Variants in TKFC observed in about 807,000 individuals in gnomAD.
TKFC encodes the protein triokinase/FMN cyclase.
Under a neutral mutation model 61.0 loss-of-function variants are expected in TKFC, and 46 were observed. The ratio of observed to expected loss-of-function variants is 0.75; its 90% CI spans 0.60 to 0.96. The LOEUF (loss-of-function observed/expected upper bound fraction) is 0.96. Ranked by LOEUF, TKFC falls within the 50% of genes least tolerant of loss-of-function variation. TKFC has a pLI of 0.00. For missense variants in TKFC, 715 were observed against 777.5 expected, an observed-to-expected ratio of 0.92 and a Z score of 0.96; for synonymous variants, 314 against 330.1, an observed-to-expected ratio of 0.95 and a Z score of 0.53.
At chr11:61,349,265 A>G, downstream of TKFC, 1 of 417,930 alleles carries the variant, frequency 2.4e-6, no homozygotes, top group South Asian at 2.4e-5. Flanking sequence ...GCAAGCAGCC[A>G]TGGTGGGGCC....
At chr11:61,343,183 G>A in intron 10 of TKFC, 159 bp from the exon 11 acceptor site, 1 of 683,616 alleles carries the variant, frequency 1.5e-6, no homozygotes, top group Non-Finnish European at 2.5e-6. Flanking sequence ...CAGGGAACGT[G>A]GTCATTTGTG....
At position 61,342,659 on chromosome 11, in the gene TKFC, G is replaced by A; in HGVS notation, c.775+1G>A. The A allele has an allele frequency of 6.2e-7, 1 of 1,614,034 alleles. No homozygotes were observed. Among genetic ancestry groups the A allele is most frequent in the South Asian group, 1.1e-5 (1 of 91,082 alleles). The stretch of plus-strand genomic sequence containing the variant: ...GCGTCCCATGTGCCTGTGCAGCCCG[G>A]TGGGTAGCCTCTCGCCCGCGTCTCC... On this transcript the variant is annotated splice_donor_variant, in intron 9 of 17. Coordinates refer to ENST00000394900, the MANE Select transcript of TKFC (RefSeq NM_015533.4). LOFTEE classifies it high-confidence loss of function.
chr11:61,342,575 T>A lies in TKFC; in HGVS notation c.692T>A (p.Met231Lys), dbSNP rs1205437340. ...CTCATTCCTGGCTCCCTCTGACAGA[T>A]GGCAACCGCCGATGAGATTGTGAAA... Reference protein sequence around the residue: ...HGEAGVRRIKMATADEIVKLM... With the variant: ...HGEAGVRRIKKATADEIVKLM... The change falls in exon 9 of 18, where the codon ATG becomes AAG. Residue 231 changes from methionine to lysine, a missense_variant and splice_region_variant. Met to Lys is a moderately conservative substitution (Grantham distance 95). Coordinates refer to ENST00000394900, the MANE Select transcript of TKFC (RefSeq NM_015533.4). 3.7e-6 allele frequency: 6 copies of A among 1,613,930 alleles called. No homozygotes were observed. Among genetic ancestry groups the A allele is most frequent in the Middle Eastern group, 1.6e-4 (1 of 6,062 alleles).
In TKFC at chr11:61,346,310, G is replaced by C. The variant is rs750112682; in HGVS notation, c.1576-41G>C. The C allele has an allele frequency of 3.5e-5, 57 of 1,609,798 alleles. No individual in the cohort carries two copies. The Admixed American group carries it at 9.5e-4, about 27-fold the overall frequency. Reference sequence around the variant, plus strand: ...CCCATGGCAGGAAGGAGGCGGCCTGGTGATCTGCCCTTGAACCTGCTCCCA... The same window carrying C: ...CCCATGGCAGGAAGGAGGCGGCCTGCTGATCTGCCCTTGAACCTGCTCCCA... On this transcript the variant is annotated intron_variant, in intron 17 of 17. Transcript: ENST00000394900. This position sits in a 1 kb window ranked among gnomAD's most constrained non-coding sequence, Gnocchi z 4.1.
intron 2 of TKFC, 23 bp from the exon 3 acceptor site, chr11:61,337,918 T>A: frequency 3.2e-6 from 5 of 1,583,730 alleles, no homozygotes; most frequent in Non-Finnish European, 4.3e-6. Flanking sequence ...CATTCTGACC[T>A]CCTTCTCACT....
chr11:61,351,465 ATTT>A (rs1159276109), downstream of TKFC: 1 of 186,676 alleles, frequency 5.4e-6, no homozygotes, highest in East Asian at 1.5e-4. Flanking sequence ...AATTTTTTGT[ATTT>A]TTAGTAGAGA....
chr11:61,350,138 C>A, downstream of TKFC: 1 of 584,266 alleles, frequency 1.7e-6, no homozygotes, highest in South Asian at 2.1e-5. Context: ...GGCCCAGCAC[C>A]CAGGCAAAGC....
rs565669154 is a variant in TKFC at position 61,342,354 on chromosome 11, TC to T, written c.656-104del. 26 of 1,428,966 alleles carry T rather than the reference TC, an allele frequency of 1.8e-5. No homozygotes were observed. The African/African-American group carries it at 2.5e-4, about 14-fold the overall frequency. The allele number at this position is 1,428,966 out of a possible 1,614,324, so 88.5% of individuals were successfully genotyped here. On this transcript the variant is annotated intron_variant, in intron 7 of 17. Transcript: ENST00000394900. ...TATTCTGTCCATTTCCATCCCCCACTCCCGCCCACTTACTGTGTGAGTCCAG... is the reference window on the plus strand; with the variant it reads ...TATTCTGTCCATTTCCATCCCCCACTCCGCCCACTTACTGTGTGAGTCCAG...
intron 3 of TKFC, 30 bp from the exon 4 acceptor site, chr11:61,339,036 G>T (rs1454678235): frequency 1.3e-6 from 2 of 1,596,752 alleles, no homozygotes; most frequent in Non-Finnish European, 1.7e-6. Flanking sequence ...GTCCCACCCA[G>T]CATGCTCACT....
intron 11 of TKFC, 82 bp downstream of exon 11, chr11:61,343,540 G>C: frequency 7.7e-7 from 1 of 1,306,488 alleles, no homozygotes; most frequent in Non-Finnish European, 1.1e-6. Context: ...ACCCCGTCAG[G>C]GCTGACCGTG....
intron 1 of TKFC, 134 bp from the exon 2 acceptor site, chr11:61,334,486 G>A (rs1406324490): frequency 1.5e-5 from 8 of 523,720 alleles, no homozygotes; most frequent in Admixed American, 9.1e-5. Flanking sequence ...TTCTCCATCC[G>A]TAGCCCATGT....
Position 61,346,605 on chromosome 11 carries a change from G to A in TKFC, c.*102G>A. ...TCCAACCCTCACCTTCCCCCGGCCTGGCCCCATTGGCCCACCCTCTAAGTT... is the reference window on the plus strand; with the variant it reads ...TCCAACCCTCACCTTCCCCCGGCCTAGCCCCATTGGCCCACCCTCTAAGTT... On this transcript the variant is annotated 3_prime_UTR_variant, in exon 18 of 18. Transcript: ENST00000394900. The surrounding 1 kb of genome is among the most constrained non-coding windows in gnomAD (Gnocchi z 4.1). 1 of 1,494,848 alleles carries A rather than the reference G, an allele frequency of 6.7e-7. No homozygotes were observed. Among genetic ancestry groups the A allele is most frequent in the South Asian group, 1.3e-5 (1 of 75,144 alleles). 92.6% of individuals were successfully genotyped at this position (1,494,848 alleles called of 1,614,324 possible).
In TKFC at chr11:61,343,366, G is replaced by A. The variant is rs376236721; in HGVS notation, c.890G>A (p.Arg297His). The change falls in exon 11 of 18, where the codon CGT becomes CAT. Residue 297 changes from arginine (R) to histidine (H), a missense_variant. Transcript: ENST00000394900. ...SLEGRGVKIA[R>H]ALVGTFMSAL... is the part of the protein sequence containing the mutation. The stretch of plus-strand genomic sequence containing the variant: ...GAGGGCCGCGGGGTGAAGATTGCCC[G>A]TGCCCTGGTGGGCACCTTCATGTCA... The A allele has an allele frequency of 2.0e-5, 33 of 1,614,172 alleles. No individual in the cohort carries two copies. Among genetic ancestry groups the A allele is most frequent in the East Asian group, 8.9e-5 (4 of 44,882 alleles).
At position 61,347,858 on chromosome 11, in the gene TKFC, G is replaced by C; in HGVS notation, c.*1355G>C. On this transcript the variant is annotated 3_prime_UTR_variant, in exon 18 of 18. Coordinates refer to ENST00000394900, the MANE Select transcript of TKFC (RefSeq NM_015533.4). The stretch of plus-strand genomic sequence containing the variant: ...GATTCAAATGAATTGATGAAGATGG[G>C]CCATAAAGCCCAGCACAGTCCAAGT... The C allele has an allele frequency of 6.1e-6, 6 of 982,834 alleles. No individual in the cohort carries two copies. The highest frequency in any genetic ancestry group is 7.3e-6 in the Non-Finnish European group (6 of 827,560). The allele number at this position is 982,834 out of a possible 1,614,324, so 60.9% of individuals were successfully genotyped here.
rs1565057406 is a variant in TKFC, at chr11:61,345,159, ACTTCCCTGTCGGCCTTTTCCAGC to A, written c.1241-96_1241-74del. 63 of 982,108 alleles carry A rather than the reference ACTTCCCTGTCGGCCTTTTCCAGC, an allele frequency of 6.4e-5. 2 individuals carry two copies. Among genetic ancestry groups the A allele is most frequent in the Non-Finnish European group, 1.5e-6 (1 of 668,552 alleles). The allele number at this position is 982,108 out of a possible 1,614,324, so 60.8% of individuals were successfully genotyped here. A position where few individuals can be genotyped will look rare whatever the true frequency, so the allele number is the denominator to read the frequency against. On this transcript the variant is annotated intron_variant, in intron 13 of 17. Coordinates refer to ENST00000394900, the MANE Select transcript of TKFC (RefSeq NM_015533.4). ...AGGGATCTTGGGAAGCCTTCATTCC[ACTTCCCTGTCGGCCTTTTCCAGC>A]CTTCATTGGTGCTGGCTGGAAGTCT...
chr11:61,343,313 TTTTGGACTGC>T lies in TKFC; in HGVS notation c.866-28_866-19del, dbSNP rs753886307. 7 of 1,597,940 alleles carry T rather than the reference TTTTGGACTGC, an allele frequency of 4.4e-6. No individual in the cohort carries two copies. In the East Asian group the frequency reaches 1.6e-4, roughly 36 times the overall value. The stretch of plus-strand genomic sequence containing the variant: ...TCTTTCCCTGATGCCCATTTTTCCC[TTTTGGACTGC>T]CACACTCTGGTATTGCAGAGGGCCG... On this transcript the variant is annotated intron_variant, in intron 10 of 17. Coordinates refer to ENST00000394900, the MANE Select transcript of TKFC (RefSeq NM_015533.4).
At chr11:61,353,022 C>T (rs761211994), downstream of TKFC, 67 of 1,614,006 alleles carry the variant, frequency 4.2e-5, no homozygotes, top group South Asian at 9.9e-5. Context: ...CCCGAAATGA[C>T]GGATGCGATG....
chr11:61,345,905 C>G lies in TKFC; in HGVS notation c.1534C>G (p.Pro512Ala). The G allele has an allele frequency of 2.5e-6, 4 of 1,614,070 alleles. No homozygotes were observed. Among genetic ancestry groups the G allele is most frequent in the Non-Finnish European group, 3.4e-6 (4 of 1,180,032 alleles). The change falls in exon 17 of 18, where the codon CCA (proline) becomes GCA (alanine). Residue 512 changes from proline to alanine, a missense_variant. Pro to Ala is a conservative substitution (Grantham distance 27). Transcript: ENST00000394900. ...GCAGGAGCTCCAAGCCTGGAAGAGC[C>G]CAGGAGCTGATCTGTTACAAGTCCT... ...AGQELQAWKSPGADLLQVLTK... is the reference protein window; with the variant it reads ...AGQELQAWKSAGADLLQVLTK...
Position 61,339,259 on chromosome 11 carries a change from A to G in TKFC, c.310A>G (p.Thr104Ala), listed in dbSNP as rs530349834. 23 of 1,612,806 alleles carry G rather than the reference A, an allele frequency of 1.4e-5. No individual in the cohort carries two copies. The East Asian group carries it at 4.7e-4, about 33-fold the overall frequency. ...CCTTCCGGCTGCTCCCGCAGTGGGG[A>G]CGCTCCTTATCGTGAAGAACTACAC... ...RAVAQAGTVG[T>A]LLIVKNYTGD... Residue 104 changes from threonine to alanine, a missense_variant, in exon 5 of 18, where the codon ACG (threonine) becomes GCG (alanine). Thr to Ala is a moderately conservative substitution (Grantham distance 58). Coordinates refer to ENST00000394900, the MANE Select transcript of TKFC (RefSeq NM_015533.4).
Sources: gnomAD v4.1 joint callset for allele counts on GRCh38, gnomAD v4.1.1 for gene constraint, Gnocchi (gnomAD v3.1) non-coding constraint, MANE v1.5 for transcripts, NCBI Gene and HGNC (gene_info 2026-07-23, HGNC 2026-07-21) for gene names.